Variants in CDH13 observed in about 807,000 individuals in gnomAD.
CDH13 encodes cadherin-13.
In CDH13, 24 loss-of-function variants were observed where a neutral mutation model predicts 63.8. That is an observed-to-expected ratio of 0.38 (90% CI 0.27 to 0.53). The LOEUF (loss-of-function observed/expected upper bound fraction) is 0.53, where lower values mean the gene tolerates loss of function less well. CDH13 is among the 20% of genes least tolerant of loss of function. The pLI, the probability that CDH13 is intolerant of heterozygous loss-of-function variation, is 0.85. For synonymous variants in CDH13, 503 were observed against 355.3 expected (o/e 1.42, Z -4.67); for missense variants, 1,049 against 903.1 (o/e 1.16, Z -2.07).
At chr16:83,280,237 T>G (rs1171474129) in intron 5 of CDH13, among the ~76,000 whole-genome samples, 2 of 152,242 alleles carry the variant, frequency 1.3e-5, no homozygotes, top group Non-Finnish European at 2.9e-5. Context: ...CAAACCCTGC[T>G]GCTGCTTTGT....
intron 2 of CDH13, among the ~76,000 whole-genome samples, chr16:82,988,720 C>G (rs1374304748): frequency 6.6e-6 from 1 of 150,806 alleles, no homozygotes; most frequent in African/African-American, 2.4e-5. Flanking sequence ...CAAGATCGCA[C>G]CACTGCACTC....
chr16:83,179,014 A>G (rs528704489), intron 4 of CDH13, among the ~76,000 whole-genome samples: 51 of 152,284 alleles, frequency 3.3e-4, no homozygotes, highest in African/African-American at 1.1e-3. Flanking sequence ...TTACACAACT[A>G]TTTGTTCATA....
chr16:83,328,153 A>G (rs963726848), intron 5 of CDH13, among the ~76,000 whole-genome samples: 1 of 151,704 alleles, frequency 6.6e-6, no homozygotes, highest in African/African-American at 2.4e-5. Flanking sequence ...AAGAAAAAAA[A>G]TTGAGACCTC....
At chr16:83,375,296 G>A (rs2091440254) in intron 6 of CDH13, among the ~76,000 whole-genome samples, 1 of 152,172 alleles carries the variant, frequency 6.6e-6, no homozygotes, top group Non-Finnish European at 1.5e-5. Flanking sequence ...AAGTGCTGAG[G>A]CCCCCTTGGG....
intron 6 of CDH13, among the ~76,000 whole-genome samples, chr16:83,425,840 C>A (rs1232256591): frequency 6.6e-6 from 1 of 151,834 alleles, no homozygotes. Context: ...TCCATTTATT[C>A]ATTCAACAAT....
intron 6 of CDH13, among the ~76,000 whole-genome samples, chr16:83,434,333 G>A (rs1019619327): frequency 6.6e-6 from 1 of 152,090 alleles, no homozygotes; most frequent in Non-Finnish European, 1.5e-5. Flanking sequence ...GATAGCCTTG[G>A]CTCTGAACCT....
At chr16:83,487,800 T>A (rs2073924956) in intron 7 of CDH13, among the ~76,000 whole-genome samples, 1 of 152,220 alleles carries the variant, frequency 6.6e-6, no homozygotes, top group Admixed American at 6.5e-5. Flanking sequence ...GTGTTTTTGA[T>A]GAAATAAATC....
intron 1 of CDH13, among the ~76,000 whole-genome samples, chr16:82,673,021 T>TTTTTTTTTTG (rs1597283333): frequency 7.1e-6 from 1 of 140,974 alleles, no homozygotes; most frequent in African/African-American, 2.6e-5. Flanking sequence ...TTTTTTTTTG[T>TTTTTTTTTTG]AGAGATGATG....
At chr16:83,228,172 A>C (rs1272781394) in intron 5 of CDH13, among the ~76,000 whole-genome samples, 3 of 152,182 alleles carry the variant, frequency 2.0e-5, no homozygotes, top group Non-Finnish European at 4.4e-5. Context: ...TGGATGCTTC[A>C]GTCCCCTAGC....
At chr16:82,692,603 C>T (rs2150978829) in intron 1 of CDH13, among the ~76,000 whole-genome samples, 1 of 152,274 alleles carries the variant, frequency 6.6e-6, no homozygotes, top group African/African-American at 2.4e-5. Flanking sequence ...AGCTACAATT[C>T]AAGATGAGAT....
chr16:82,745,594 A>G (rs2034126084), intron 1 of CDH13, among the ~76,000 whole-genome samples: 1 of 151,830 alleles, frequency 6.6e-6, no homozygotes, highest in Non-Finnish European at 1.5e-5. Context: ...ACAGAGCGAG[A>G]CTCTGTCTCA....
Position 83,405,740 on chromosome 16 carries a change from T to C in CDH13, c.781+60734T>C, listed in dbSNP as rs531231558. Reference sequence around the variant, plus strand: ...GCACTGAGTTGTTCTTTACTAATAGTGCCATGTTATCTAATTTTTCACAGG... The same window carrying C: ...GCACTGAGTTGTTCTTTACTAATAGCGCCATGTTATCTAATTTTTCACAGG... On this transcript the variant is annotated intron_variant, in intron 6 of 13. Transcript: ENST00000567109. Among the ~76,000 whole-genome samples, 3 of 152,362 alleles carry C rather than the reference T, an allele frequency of 2.0e-5. No homozygotes were observed. The East Asian group carries it at 5.8e-4, about 29-fold the overall frequency.
chr16:83,392,388 T>A (rs2091805621), intron 6 of CDH13, among the ~76,000 whole-genome samples: 2 of 152,262 alleles, frequency 1.3e-5, no homozygotes, highest in Admixed American at 1.3e-4. Context: ...TGATTGTTCC[T>A]AAAATTATCA....
chr16:83,340,933 G>C (rs1244969780), intron 5 of CDH13, among the ~76,000 whole-genome samples: 1 of 152,048 alleles, frequency 6.6e-6, no homozygotes, highest in Non-Finnish European at 1.5e-5. Context: ...TTGAATCTAA[G>C]AATAGAAATC....
intron 5 of CDH13, among the ~76,000 whole-genome samples, chr16:83,295,874 G>A (rs1417358412): frequency 6.6e-6 from 1 of 152,170 alleles, no homozygotes; most frequent in Non-Finnish European, 1.5e-5. Flanking sequence ...ACTTCTGTAT[G>A]TATTGCAGCA....
At chr16:82,902,577 T>C (rs926345819) in intron 2 of CDH13, among the ~76,000 whole-genome samples, 2 of 152,064 alleles carry the variant, frequency 1.3e-5, no homozygotes, top group African/African-American at 4.8e-5. Context: ...GTGTTTAGCT[T>C]CTTAACCTCC....
Position 83,799,953 on chromosome 16 carries a change from GAA to G in CDH13, c.*4924_*4925del, listed in dbSNP as rs1904307801. ...TAAGAACTTCAATTATATAATTTAA[GAA>G]GAGTCAGTCTATAATTTAAGCAGAA... is the stretch of plus-strand genomic sequence containing the variant. On this transcript the variant is annotated 3_prime_UTR_variant, in exon 14 of 14. Coordinates refer to ENST00000567109, the MANE Select transcript of CDH13 (RefSeq NM_001257.5). The G allele has an allele frequency of 1.7e-5, 1 of 57,548 alleles. No individual in the cohort carries two copies. The highest frequency in any genetic ancestry group is 5.2e-4 in the South Asian group (1 of 1,918). 3.6% of individuals were successfully genotyped at this position (57,548 alleles called of 1,614,324 possible).
At chr16:83,664,209 C>T (rs1221616187) in intron 8 of CDH13, among the ~76,000 whole-genome samples, 1 of 152,002 alleles carries the variant, frequency 6.6e-6, no homozygotes, top group Non-Finnish European at 1.5e-5. Context: ...CTATGATGAT[C>T]TGGTGGGTTC....
At chr16:83,037,595 G>A (rs1039017212) in intron 3 of CDH13, among the ~76,000 whole-genome samples, 2 of 152,176 alleles carry the variant, frequency 1.3e-5, no homozygotes, top group African/African-American at 2.4e-5. Context: ...GAAATGTTAG[G>A]GAAAGACGTC....
Sources: allele counts gnomAD v4.1 joint callset (sites outside exome capture counted in the v4.1 genomes callset), GRCh38; gene constraint gnomAD v4.1.1; transcripts MANE v1.5; gene names NCBI Gene and HGNC (gene_info 2026-07-23, HGNC 2026-07-21).